ADK: variants seen among roughly 807,000 people sequenced by gnomAD.
ADK encodes N6,N6-dimethyladenosine kinase.
A neutral mutation model predicts 44.7 loss-of-function variants in ADK; 24 were observed. That is an observed-to-expected ratio of 0.54 (90% CI 0.39 to 0.76). The LOEUF (loss-of-function observed/expected upper bound fraction) is 0.76. Among genes scored for constraint, ADK ranks in the 30% least tolerant of loss-of-function variants. The probability of loss-of-function intolerance (pLI) is 0.00; values close to 1 mark genes in which losing one functional copy is unlikely to be tolerated. For synonymous variants in ADK, 128 were observed against 142.6 expected (o/e 0.90, Z 0.73); for missense variants, 321 against 425.1 (o/e 0.76, Z 2.15).
intron 6 of ADK, among the ~76,000 whole-genome samples, chr10:74,462,394 A>T (rs1312244111): frequency 6.6e-6 from 1 of 152,108 alleles, no homozygotes; most frequent in Non-Finnish European, 1.5e-5. Flanking sequence ...AAATTTTGTA[A>T]ATCAACCTAC....
At chr10:74,258,076 A>G (rs1845893925) in intron 3 of ADK, among the ~76,000 whole-genome samples, 1 of 152,112 alleles carries the variant, frequency 6.6e-6, no homozygotes, top group Non-Finnish European at 1.5e-5. Flanking sequence ...GTTTTTATTT[A>G]TTTTTATAGT....
chr10:74,261,026 G>T (rs1846018425), intron 3 of ADK, among the ~76,000 whole-genome samples: 1 of 152,074 alleles, frequency 6.6e-6, no homozygotes, highest in Admixed American at 6.6e-5. Context: ...ATTGGGGCCT[G>T]GGATACAGAT....
At chr10:74,497,392 A>G (rs1841424718) in intron 6 of ADK, among the ~76,000 whole-genome samples, 1 of 152,166 alleles carries the variant, frequency 6.6e-6, no homozygotes, top group South Asian at 2.1e-4. Flanking sequence ...GGAGAGAAAC[A>G]GGGCTTAGGT....
chr10:74,655,068 C>CTCCCGAAGGACATATCCGTGGCAGAGCT, intron 9 of ADK: 1 of 239,902 alleles, frequency 4.2e-6, no homozygotes, highest in Admixed American at 4.7e-5. Flanking sequence ...CACCCCGGGC[C>CTCCCGAAGGACATATCCGTGGCAGAGCT]GCCTTCCCTT....
chr10:74,239,172 T>C (rs933186619), intron 3 of ADK, among the ~76,000 whole-genome samples: 5 of 152,180 alleles, frequency 3.3e-5, no homozygotes, highest in African/African-American at 1.2e-4. Context: ...GTTACTTATT[T>C]TTTTTTTCTT....
intron 2 of ADK, among the ~76,000 whole-genome samples, chr10:74,221,955 G>T (rs1041905197): frequency 6.6e-6 from 1 of 152,154 alleles, no homozygotes; most frequent in African/African-American, 2.4e-5. Flanking sequence ...CAGGACATAG[G>T]CATGGGCAAG....
intron 1 of ADK, among the ~76,000 whole-genome samples, chr10:74,178,217 C>T (rs1157091083): frequency 6.6e-6 from 1 of 152,098 alleles, no homozygotes; most frequent in Non-Finnish European, 1.5e-5. Flanking sequence ...GTTGGGATTA[C>T]AGGAGTGAGC....
chr10:74,618,852 G>A (rs1852873503), intron 9 of ADK, among the ~76,000 whole-genome samples: 2 of 151,974 alleles, frequency 1.3e-5, no homozygotes, highest in African/African-American at 4.8e-5. Context: ...TTATCCTGCT[G>A]GGATTTTTAG....
chr10:74,537,842 C>G (rs1331526811), intron 7 of ADK, among the ~76,000 whole-genome samples: 1 of 152,046 alleles, frequency 6.6e-6, no homozygotes, highest in Non-Finnish European at 1.5e-5. Context: ...AATAAAATAA[C>G]AGTTTGAAAT....
chr10:74,685,648 A>G (rs1041966642), intron 10 of ADK, among the ~76,000 whole-genome samples: 6 of 152,212 alleles, frequency 3.9e-5, no homozygotes, highest in African/African-American at 1.4e-4. Context: ...AAAACAGAAA[A>G]CATAAAGGAT....
rs77991414 is a variant in ADK at position 74,584,803 on chromosome 10, C to T, written c.727-4479C>T. ...GAAGAAGCAAAGTAAGAAAACAGAC[C>T]TGGTCTGGTGGCTCCATTCCCCCTT... On this transcript the variant is annotated intron_variant, in intron 7 of 10. Transcript: ENST00000539909. Among the ~76,000 whole-genome samples the T allele has an allele frequency of 9.4e-3, 1,427 of 152,208 alleles. 23 individuals carry two copies. Among genetic ancestry groups the T allele is most frequent in the African/African-American group, 0.033 (1,353 of 41,524 alleles).
intron 7 of ADK, among the ~76,000 whole-genome samples, chr10:74,580,828 T>A (rs1851349572): frequency 6.6e-6 from 1 of 152,112 alleles, no homozygotes; most frequent in Admixed American, 6.6e-5. Flanking sequence ...ATGTCTGTTA[T>A]CCAATCAAAA....
Position 74,577,586 on chromosome 10 carries a change from C to G in ADK, c.727-11696C>G, listed in dbSNP as rs1001247100. On this transcript the variant is annotated intron_variant, in intron 7 of 10. Coordinates refer to ENST00000539909, the MANE Select transcript of ADK (RefSeq NM_006721.4). The stretch of plus-strand genomic sequence containing the variant: ...TGGGGGATATTACCTTTATTTTTCA[C>G]TAGATGTAGGAAAGTAGATGCTGCT... Among the ~76,000 whole-genome samples, 3 of 151,328 alleles carry G rather than the reference C, an allele frequency of 2.0e-5. No individual in the cohort carries two copies. In the South Asian group the frequency reaches 6.2e-4, roughly 31 times the overall value.
chr10:74,377,811 C>T (rs1165009204), intron 4 of ADK, among the ~76,000 whole-genome samples: 1 of 152,168 alleles, frequency 6.6e-6, no homozygotes, highest in East Asian at 1.9e-4. Flanking sequence ...ACGTGACCAA[C>T]CTCCTATCTC....
intron 3 of ADK, among the ~76,000 whole-genome samples, chr10:74,289,691 A>C (rs1224274180): frequency 6.6e-6 from 1 of 152,080 alleles, no homozygotes; most frequent in East Asian, 1.9e-4. Flanking sequence ...TAAAAGTGGC[A>C]CTATGTTTTT....
chr10:74,414,442 A>T (rs577728216), intron 6 of ADK, among the ~76,000 whole-genome samples: 19 of 152,326 alleles, frequency 1.2e-4, no homozygotes, highest in African/African-American at 4.6e-4. Context: ...TTCAAACAAG[A>T]GTGTGATTAT....
chr10:74,600,140 G>T (rs1430196968), intron 8 of ADK, among the ~76,000 whole-genome samples: 1 of 152,102 alleles, frequency 6.6e-6, no homozygotes, highest in Non-Finnish European at 1.5e-5. Context: ...AGTGGATGAG[G>T]ATATAGGTGA....
At chr10:74,459,555 C>A (rs1846085825) in intron 6 of ADK, among the ~76,000 whole-genome samples, 1 of 151,530 alleles carries the variant, frequency 6.6e-6, no homozygotes, top group Non-Finnish European at 1.5e-5. Context: ...ATGGTGAAAC[C>A]TCGTCTCTAC....
At chr10:74,467,681 A>G (rs1233194662) in intron 6 of ADK, among the ~76,000 whole-genome samples, 1 of 152,042 alleles carries the variant, frequency 6.6e-6, no homozygotes, top group African/African-American at 2.4e-5. Flanking sequence ...AAGTCAGATT[A>G]TGGGAGACTT....
Sources: gnomAD v4.1 joint callset for allele counts (sites outside exome capture counted in the v4.1 genomes callset) on GRCh38, gnomAD v4.1.1 for gene constraint, MANE v1.5 for transcripts, NCBI Gene and HGNC (gene_info 2026-07-23, HGNC 2026-07-21) for gene names.